Variants in EYA4 observed in about 807,000 individuals in gnomAD.
The protein encoded by EYA4 is protein phosphatase EYA4.
Under a neutral mutation model 87.9 loss-of-function variants are expected in EYA4, and 31 were observed. The ratio of observed to expected loss-of-function variants is 0.35; its 90% confidence interval spans 0.27 to 0.48. The LOEUF (loss-of-function observed/expected upper bound fraction) is 0.48, where lower values mean the gene tolerates loss of function less well. Among genes scored for constraint, EYA4 ranks in the 20% least tolerant of loss-of-function variants. EYA4 has a pLI of 0.99. For synonymous variants in EYA4, 263 were observed against 270.6 expected, an observed-to-expected ratio of 0.97 and a Z score of 0.28; for missense variants, 678 against 761.4, an observed-to-expected ratio of 0.89 and a Z score of 1.29.
At chr6:133,439,887 T>G (rs1333084146) in intron 3 of EYA4, among the ~76,000 whole-genome samples, 1 of 152,192 alleles carries the variant, frequency 6.6e-6, no homozygotes, top group African/African-American at 2.4e-5. Context: ...TCTAATAAGT[T>G]AAGATATTCC....
chr6:133,240,885 G>A (rs1007524883), upstream of EYA4: 1 of 152,478 alleles, frequency 6.6e-6, no homozygotes, highest in Non-Finnish European at 1.5e-5. Flanking sequence ...CCTGCACAGG[G>A]GAACTGGGTA....
intron 16 of EYA4, among the ~76,000 whole-genome samples, chr6:133,514,136 G>A (rs541488060): frequency 1.3e-5 from 2 of 152,222 alleles, no homozygotes; most frequent in South Asian, 4.2e-4. Context: ...ACAAAAGGGA[G>A]CTTAGATATG....
intron 2 of EYA4, among the ~76,000 whole-genome samples, chr6:133,376,859 G>A (rs941954950): frequency 2.1e-4 from 32 of 151,978 alleles, no homozygotes; most frequent in African/African-American, 6.5e-4. Context: ...TGTTACTTAC[G>A]TAAATACAAC....
intron 2 of EYA4, among the ~76,000 whole-genome samples, chr6:133,307,764 T>A (rs1177313231): frequency 6.6e-6 from 1 of 152,190 alleles, no homozygotes; most frequent in African/African-American, 2.4e-5. Flanking sequence ...ACATTTATAA[T>A]TCCCATTTTA....
intron 2 of EYA4, among the ~76,000 whole-genome samples, chr6:133,366,483 A>G (rs552406716): frequency 1.8e-4 from 27 of 152,306 alleles, no homozygotes; most frequent in Admixed American, 1.7e-3. Flanking sequence ...TAGAGTTTGA[A>G]TGACTGGGGG....
intron 3 of EYA4, among the ~76,000 whole-genome samples, chr6:133,423,266 T>A (rs1183381303): frequency 2.6e-5 from 4 of 152,172 alleles, no homozygotes; most frequent in Admixed American, 2.6e-4. Context: ...CACAAAAATA[T>A]ATGCTAGTAC....
At chr6:133,433,412 C>T (rs1431083968) in intron 3 of EYA4, among the ~76,000 whole-genome samples, 6 of 152,304 alleles carry the variant, frequency 3.9e-5, no homozygotes, top group Middle Eastern at 3.4e-3. Flanking sequence ...TAACTATTCC[C>T]GATGAACTGA....
intron 11 of EYA4, among the ~76,000 whole-genome samples, chr6:133,469,991 C>T (rs1356095418): frequency 1.3e-5 from 2 of 151,170 alleles, no homozygotes; most frequent in African/African-American, 2.4e-5. Context: ...TGGATATTAG[C>T]CCTTTGTCAG....
intron 1 of EYA4, 35 bp from the exon 2 acceptor site, chr6:133,274,681 C>G: frequency 1.0e-6 from 1 of 976,008 alleles, no homozygotes; most frequent in Non-Finnish European, 1.7e-6. Context: ...ATAAAGATAA[C>G]ATTTTTCCCC....
chr6:133,524,160 A>T (rs1283310502), intron 18 of EYA4, among the ~76,000 whole-genome samples: 2 of 152,204 alleles, frequency 1.3e-5, no homozygotes, highest in African/African-American at 4.8e-5. Flanking sequence ...GTGTGTATTT[A>T]TGTCAGCAGG....
chr6:133,357,042 C>T (rs1482520521), intron 2 of EYA4, among the ~76,000 whole-genome samples: 10 of 151,778 alleles, frequency 6.6e-5, no homozygotes, highest in South Asian at 2.1e-4. Flanking sequence ...GAGGCCGAGG[C>T]GGGCGGATCA....
At chr6:133,381,364 G>A (rs1786202974) in intron 2 of EYA4, among the ~76,000 whole-genome samples, 1 of 152,094 alleles carries the variant, frequency 6.6e-6, no homozygotes, top group Non-Finnish European at 1.5e-5. Context: ...TTCTGAAACA[G>A]AGGAGGAAAA....
chr6:133,391,216 G>GTTTT lies in EYA4; in HGVS notation c.83+8777_83+8780dup, dbSNP rs1171912624. On this transcript the variant is annotated intron_variant, in intron 3 of 19. Coordinates refer to ENST00000355286, the MANE Select transcript of EYA4 (RefSeq NM_004100.5). Reference sequence around the variant, plus strand: ...TAGTATCTATTATTTTTTGGGTTTTGTTTTTGTTTTTTTTTTTTTTTTGAG... The same window carrying GTTTT: ...TAGTATCTATTATTTTTTGGGTTTTGTTTTTTTTTGTTTTTTTTTTTTTTTTGAG... 8.3e-4 allele frequency among the ~76,000 whole-genome samples: 57 copies of GTTTT among 68,944 alleles called. 3 individuals are homozygous for GTTTT. Among genetic ancestry groups the GTTTT allele is most frequent in the Non-Finnish European group, 1.5e-3 (42 of 28,448 alleles). The allele number at this position is 68,944 out of a possible 152,430, so 45.2% of individuals were successfully genotyped here. A position where few individuals can be genotyped will look rare whatever the true frequency, so the allele number is the denominator to read the frequency against.
chr6:133,246,092 T>C (rs764567622), intron 1 of EYA4, among the ~76,000 whole-genome samples: 1 of 152,330 alleles, frequency 6.6e-6, no homozygotes, highest in Admixed American at 6.5e-5. Flanking sequence ...CACATTTATA[T>C]AGTGATTTGA....
chr6:133,302,373 T>A (rs969482785), intron 2 of EYA4, among the ~76,000 whole-genome samples: 4 of 152,104 alleles, frequency 2.6e-5, no homozygotes, highest in Admixed American at 2.6e-4. Flanking sequence ...TAGGAAGAGA[T>A]GAAAAGGTTT....
intron 2 of EYA4, among the ~76,000 whole-genome samples, chr6:133,352,727 A>T (rs966998483): frequency 3.3e-5 from 5 of 152,202 alleles, no homozygotes; most frequent in African/African-American, 1.2e-4. Flanking sequence ...TTACTAATGC[A>T]TGATGATAAT....
intron 1 of EYA4, among the ~76,000 whole-genome samples, chr6:133,269,475 A>G (rs1776507089): frequency 6.6e-6 from 1 of 151,268 alleles, no homozygotes; most frequent in Non-Finnish European, 1.5e-5. Context: ...TTATTTTCTG[A>G]CTTTTAAGAA....
At chr6:133,435,949 G>A (rs981511509) in intron 3 of EYA4, among the ~76,000 whole-genome samples, 2 of 152,028 alleles carry the variant, frequency 1.3e-5, no homozygotes, top group African/African-American at 2.4e-5. Flanking sequence ...GGCTGGGCGC[G>A]GTGGCTCACA....
At chr6:133,496,318 G>T (rs568911) in intron 13 of EYA4, among the ~76,000 whole-genome samples, 44,870 of 152,078 alleles carry the variant, frequency 0.3, 6,790 homozygotes, top group East Asian at 0.39. Context: ...CAATATGCAT[G>T]TTAGAGTGTA....
Sources: gnomAD v4.1 joint callset for allele counts (sites outside exome capture counted in the v4.1 genomes callset) on GRCh38, gnomAD v4.1.1 for gene constraint, MANE v1.5 for transcripts, NCBI Gene and HGNC (gene_info 2026-07-23, HGNC 2026-07-21) for gene names.